The following GALNT7 variants were observed in gnomAD, a reference collection of about 807,000 sequenced individuals.
The protein encoded by GALNT7 is polypeptide N-acetylgalactosaminyltransferase 7, also known as N-acetylgalactosaminyltransferase 7.
In GALNT7, 60 loss-of-function variants were observed where a neutral mutation model predicts 82.1. That is an observed-to-expected ratio of 0.73 (90% CI 0.59 to 0.91). The LOEUF (loss-of-function observed/expected upper bound fraction) is 0.91, where lower values mean the gene tolerates loss of function less well. GALNT7 is among the 40% of genes least tolerant of loss of function. The probability of loss-of-function intolerance (pLI) is 0.00; values close to 1 mark genes in which losing one functional copy is unlikely to be tolerated. For synonymous variants in GALNT7, 243 were observed against 275.1 expected (o/e 0.88, Z 1.15); for missense variants, 660 against 804.2 (o/e 0.82, Z 2.17).
At chr4:173,170,846 AC>A (rs762817830) in intron 1 of GALNT7, among the ~76,000 whole-genome samples, 1 of 152,230 alleles carries the variant, frequency 6.6e-6, no homozygotes, top group Admixed American at 6.5e-5. Context: ...AGGTGGCGGA[AC>A]ATCAGCATCA....
Position 173,295,858 on chromosome 4 carries a change from CT to C in GALNT7, c.965+22del, listed in dbSNP as rs1010822256. The C allele has an allele frequency of 1.2e-5, 18 of 1,459,156 alleles. No individual in the cohort carries two copies. Among genetic ancestry groups the C allele is most frequent in the Non-Finnish European group, 1.4e-5 (15 of 1,039,022 alleles). The allele number at this position is 1,459,156 out of a possible 1,614,324, so 90.4% of individuals were successfully genotyped here. A position where few individuals can be genotyped will look rare whatever the true frequency, so the allele number is the denominator to read the frequency against. On this transcript the variant is annotated intron_variant, in intron 5 of 11. Coordinates refer to ENST00000265000, the MANE Select transcript of GALNT7 (RefSeq NM_017423.3). Reference sequence around the variant, plus strand: ...TCTAAGGACAGGTAACATTACCTTGCTTTTTTTCTTTCCTGGTTGAAAGTAA... The same window carrying C: ...TCTAAGGACAGGTAACATTACCTTGCTTTTTTCTTTCCTGGTTGAAAGTAA...
intron 1 of GALNT7, among the ~76,000 whole-genome samples, chr4:173,194,720 A>G (rs990230083): frequency 1.3e-5 from 2 of 152,082 alleles, no homozygotes; most frequent in African/African-American, 4.8e-5. Context: ...TGCATGTGCC[A>G]TGTTGGTGTG....
chr4:173,201,256 GT>G (rs1732938620), intron 1 of GALNT7, among the ~76,000 whole-genome samples: 2 of 152,030 alleles, frequency 1.3e-5, no homozygotes, highest in Admixed American at 1.3e-4. Context: ...TTTACTGTAT[GT>G]TTTTAGATAA....
chr4:173,231,857 C>T (rs1734040608), intron 1 of GALNT7, among the ~76,000 whole-genome samples: 1 of 152,170 alleles, frequency 6.6e-6, no homozygotes, highest in African/African-American at 2.4e-5. Context: ...AACAGAAGCT[C>T]TTCCTGTGCA....
At chr4:173,206,325 A>G (rs1245661442) in intron 1 of GALNT7, among the ~76,000 whole-genome samples, 1 of 152,210 alleles carries the variant, frequency 6.6e-6, no homozygotes, top group African/African-American at 2.4e-5. Flanking sequence ...TCAATGCTAC[A>G]TCCAGGTGCT....
At chr4:173,231,324 A>T (rs1303020101) in intron 1 of GALNT7, among the ~76,000 whole-genome samples, 2 of 152,192 alleles carry the variant, frequency 1.3e-5, no homozygotes, top group Non-Finnish European at 2.9e-5. Context: ...ATAAAGAGAC[A>T]TTAAAGTATA....
At chr4:173,253,960 C>T (rs933976229) in intron 2 of GALNT7, among the ~76,000 whole-genome samples, 1 of 152,142 alleles carries the variant, frequency 6.6e-6, no homozygotes, top group Non-Finnish European at 1.5e-5. Flanking sequence ...TTCTGCCCAA[C>T]AAAGCAGACA....
At chr4:173,178,320 A>G (rs745959002) in intron 1 of GALNT7, among the ~76,000 whole-genome samples, 2 of 152,184 alleles carry the variant, frequency 1.3e-5, no homozygotes, top group Non-Finnish European at 2.9e-5. Flanking sequence ...AAACTATGCT[A>G]TTCTCAGCGT....
rs1255254157 is a variant in GALNT7, at chr4:173,292,156, C to A, written c.636C>A (p.Val212=). Residue 212 remains valine (V), a synonymous_variant, in exon 3 of 12, where the codon GTC becomes GTA. Transcript: ENST00000265000. This position sits in a 1 kb window ranked among gnomAD's most constrained non-coding sequence, Gnocchi z 4.8. Reference sequence around the variant, plus strand: ...AAAACTTGCTCACTTCGAGCGTTGTCATTGTCTTCCATAATGAAGGATGGT... The same window carrying A: ...AAAACTTGCTCACTTCGAGCGTTGTAATTGTCTTCCATAATGAAGGATGGT... ...YDENLLTSSV[V]IVFHNEGWST... The A allele has an allele frequency of 6.2e-7, 1 of 1,608,868 alleles. No individual in the cohort carries two copies. The highest frequency in any genetic ancestry group is 8.5e-7 in the Non-Finnish European group (1 of 1,176,820).
chr4:173,254,245 C>T (rs1327055240), intron 2 of GALNT7, among the ~76,000 whole-genome samples: 1 of 152,188 alleles, frequency 6.6e-6, no homozygotes, highest in African/African-American at 2.4e-5. Flanking sequence ...TACATTTACA[C>T]TCATGCCTTA....
intron 1 of GALNT7, among the ~76,000 whole-genome samples, chr4:173,230,158 T>C (rs1336814543): frequency 6.6e-6 from 1 of 152,168 alleles, no homozygotes; most frequent in African/African-American, 2.4e-5. Flanking sequence ...TCCAATAAAT[T>C]ATTGCATATT....
At chr4:173,234,794 G>A (rs1290609428) in intron 1 of GALNT7, among the ~76,000 whole-genome samples, 1 of 152,010 alleles carries the variant, frequency 6.6e-6, no homozygotes, top group Non-Finnish European at 1.5e-5. Context: ...CAAAAGCACT[G>A]GTTATAAAAC....
At chr4:173,210,978 C>A (rs1733264777) in intron 1 of GALNT7, among the ~76,000 whole-genome samples, 1 of 151,938 alleles carries the variant, frequency 6.6e-6, no homozygotes. Context: ...CTAGTGTATT[C>A]AAAAGAATGT....
chr4:173,236,226 G>A (rs997200251), intron 1 of GALNT7, among the ~76,000 whole-genome samples: 3 of 152,052 alleles, frequency 2.0e-5, no homozygotes, highest in African/African-American at 2.4e-5. Flanking sequence ...GGCCTCCACC[G>A]TTGTCTATCA....
At chr4:173,196,269 C>T (rs150256233) in intron 1 of GALNT7, among the ~76,000 whole-genome samples, 7,688 of 151,980 alleles carry the variant, frequency 0.051, 281 homozygotes, top group Non-Finnish European at 0.081. Flanking sequence ...GGATTACAGG[C>T]GCCTGCCACC....
chr4:173,212,857 T>G (rs1733326396), intron 1 of GALNT7, among the ~76,000 whole-genome samples: 1 of 152,110 alleles, frequency 6.6e-6, no homozygotes, highest in African/African-American at 2.4e-5. Context: ...GCATGATCAT[T>G]TCTTCAAAAA....
intron 1 of GALNT7, among the ~76,000 whole-genome samples, chr4:173,199,146 G>C (rs1732867603): frequency 6.6e-6 from 1 of 152,116 alleles, no homozygotes; most frequent in African/African-American, 2.4e-5. Context: ...TTATGTGCTA[G>C]ATACTATGTG....
At chr4:173,269,404 G>GA (rs1735637712) in intron 2 of GALNT7, among the ~76,000 whole-genome samples, 3 of 152,124 alleles carry the variant, frequency 2.0e-5, no homozygotes, top group Admixed American at 6.5e-5. Context: ...ATGGGCTTGG[G>GA]AAGGCAGCTG....
intron 1 of GALNT7, among the ~76,000 whole-genome samples, chr4:173,172,373 G>A (rs1385115284): frequency 6.6e-6 from 1 of 152,098 alleles, no homozygotes; most frequent in East Asian, 1.9e-4. Flanking sequence ...CTAGAGGAAG[G>A]GCATATACTA....
Sources: gnomAD v4.1 joint callset for allele counts (sites outside exome capture counted in the v4.1 genomes callset) on GRCh38, gnomAD v4.1.1 for gene constraint, Gnocchi (gnomAD v3.1) non-coding constraint, MANE v1.5 for transcripts, NCBI Gene and HGNC (gene_info 2026-07-23, HGNC 2026-07-21) for gene names.